The following URI1 variants were observed in gnomAD, a reference collection of about 807,000 sequenced individuals.
The protein encoded by URI1 is unconventional prefoldin RPB5 interactor 1.
A neutral mutation model predicts 60.2 loss-of-function variants in URI1; 39 were observed. The ratio of observed to expected loss-of-function variants is 0.65; its 90% CI spans 0.50 to 0.85. The LOEUF is 0.85. URI1 is among the 40% of genes least tolerant of loss of function. The pLI, the probability that URI1 is intolerant of heterozygous loss-of-function variation, is 0.00. For synonymous variants in URI1, 251 were observed against 236.8 expected (o/e 1.06, Z -0.55); for missense variants, 691 against 665.9 (o/e 1.04, Z -0.42).
chr19:29,949,043 C>T (rs1000065555), intron 1 of URI1, among the ~76,000 whole-genome samples: 5 of 145,740 alleles, frequency 3.4e-5, no homozygotes, highest in African/African-American at 7.6e-5. Flanking sequence ...GGCAGCTGGC[C>T]GGGCGGGGGC....
chr19:29,953,069 T>G (rs1032043878), intron 1 of URI1, among the ~76,000 whole-genome samples: 1 of 152,224 alleles, frequency 6.6e-6, no homozygotes, highest in Non-Finnish European at 1.5e-5. Context: ...ATTCATTGAT[T>G]GTTGATTTTG....
intron 1 of URI1, among the ~76,000 whole-genome samples, chr19:29,968,559 T>C (rs902456958): frequency 1.6e-5 from 2 of 124,146 alleles, no homozygotes; most frequent in Admixed American, 2.0e-4. Flanking sequence ...AATTTACTAA[T>C]TTTTTCTTTT....
At chr19:29,975,853 A>G (rs949022683) in intron 2 of URI1, among the ~76,000 whole-genome samples, 1 of 152,078 alleles carries the variant, frequency 6.6e-6, no homozygotes, top group Non-Finnish European at 1.5e-5. Flanking sequence ...AATTTCTCAT[A>G]AATCTTTTCA....
Position 29,942,296 on chromosome 19 carries a change from C to A in URI1, c.-252C>A. On this transcript the variant is annotated 5_prime_UTR_variant, in exon 1 of 11. Transcript: ENST00000392271. ...GGCTGGGCCCGCACCGGAGAGGCGTCTCGGTACCTGGCAGGCGGCCTGCTA... is the reference window on the plus strand; with the variant it reads ...GGCTGGGCCCGCACCGGAGAGGCGTATCGGTACCTGGCAGGCGGCCTGCTA... 2 of 985,234 alleles carry A rather than the reference C, an allele frequency of 2.0e-6. No homozygotes were observed. The highest frequency in any genetic ancestry group is 4.5e-5 in the South Asian group (1 of 22,042). 61.0% of individuals were successfully genotyped at this position (985,234 alleles called of 1,614,324 possible). A position where few individuals can be genotyped will look rare whatever the true frequency, so the allele number is the denominator to read the frequency against.
chr19:29,989,959 C>G (rs1030952119), intron 4 of URI1, among the ~76,000 whole-genome samples: 22 of 151,860 alleles, frequency 1.4e-4, no homozygotes, highest in African/African-American at 5.1e-4. Context: ...AACGCTTTAC[C>G]TAACCTTAGT....
At chr19:29,990,460 G>A (rs1426527351) in intron 4 of URI1, among the ~76,000 whole-genome samples, 2 of 152,226 alleles carry the variant, frequency 1.3e-5, no homozygotes, top group African/African-American at 4.8e-5. Context: ...ATTAAGAGCA[G>A]CACTGCTTAT....
chr19:29,944,140 CATATATATATAT>C (rs56329506), intron 1 of URI1, among the ~76,000 whole-genome samples: 449 of 37,066 alleles, frequency 0.012, 11 homozygotes, highest in Non-Finnish European at 0.018. Context: ...CCCTGTCATT[CATATATATATAT>C]ATATATATAT....
chr19:29,997,846 C>T (rs143699529), intron 4 of URI1, among the ~76,000 whole-genome samples: 1 of 152,200 alleles, frequency 6.6e-6, no homozygotes, highest in East Asian at 1.9e-4. Flanking sequence ...CTCACTGTAA[C>T]TTCCATCTCC....
chr19:29,941,984 CTT>C (rs921904232), upstream of URI1, among the ~76,000 whole-genome samples: 1 of 143,266 alleles, frequency 7.0e-6, no homozygotes, highest in Non-Finnish European at 1.5e-5. Context: ...AGAATGTAAG[CTT>C]TTTTTTTTTA....
intron 1 of URI1, among the ~76,000 whole-genome samples, chr19:29,962,698 C>T (rs1443468693): frequency 4.7e-5 from 7 of 150,468 alleles, no homozygotes; most frequent in African/African-American, 7.3e-5. Context: ...TTTTTTTAAC[C>T]GATCACACTT....
intron 1 of URI1, among the ~76,000 whole-genome samples, chr19:29,936,601 T>C (rs1042885658): frequency 2.0e-5 from 3 of 152,234 alleles, no homozygotes; most frequent in African/African-American, 4.8e-5. Context: ...TATGTTCATA[T>C]CCTTCATCAA....
chr19:29,934,031 G>A (rs1168850293), intron 1 of URI1, among the ~76,000 whole-genome samples: 2 of 147,228 alleles, frequency 1.4e-5, no homozygotes, highest in Non-Finnish European at 3.0e-5. Flanking sequence ...TGCCTCCCAG[G>A]TTCCAGTGAT....
intron 10 of URI1, chr19:30,014,231 G>A (rs1334082944): frequency 6.6e-6 from 1 of 152,108 alleles, no homozygotes; most frequent in Non-Finnish European, 1.5e-5. Flanking sequence ...AGGTGAAATT[G>A]AGTCATTTCT....
In URI1 at chr19:29,977,136, C is replaced by CT. The variant is rs35431095; in HGVS notation, c.152+5921dup. Among the ~76,000 whole-genome samples, 727 of 144,998 alleles carry CT rather than the reference C, an allele frequency of 5.0e-3. 4 individuals are homozygous for CT. Among genetic ancestry groups the CT allele is most frequent in the African/African-American group, 0.014 (559 of 39,720 alleles). ...GGTGAAGATTTGATTTTCTCTCTCT[C>CT]TTTTTTTTTTTTCCTGTTGGAGCTA... On this transcript the variant is annotated intron_variant, in intron 2 of 10. Coordinates refer to ENST00000392271, the MANE Select transcript of URI1 (RefSeq NM_003796.3).
rs112609801 is a variant in URI1 at position 29,956,656 on chromosome 19, A to T, written c.117+13992A>T. ...TTCACCCAAGAAATTTCGGATTTCA[A>T]CAAGAGACCCATTCTGGATAACGAC... On this transcript the variant is annotated intron_variant, in intron 1 of 10. Coordinates refer to ENST00000392271, the MANE Select transcript of URI1 (RefSeq NM_003796.3). 7 of 1,532,822 alleles carry T rather than the reference A, an allele frequency of 4.6e-6. No individual in the cohort carries two copies. In the African/African-American group the frequency reaches 6.8e-5, roughly 15 times the overall value. 95.0% of individuals were successfully genotyped at this position (1,532,822 alleles called of 1,614,324 possible). A position where few individuals can be genotyped will look rare whatever the true frequency, so the allele number is the denominator to read the frequency against.
At chr19:29,923,837 C>A in intron 1 of URI1, 1 of 1,344,984 alleles carries the variant, frequency 7.4e-7, no homozygotes, top group South Asian at 1.3e-5. Flanking sequence ...ATGGATTAGT[C>A]AGAGAAACAG....
chr19:29,949,595 G>A (rs1159886881), intron 1 of URI1, among the ~76,000 whole-genome samples: 1 of 151,978 alleles, frequency 6.6e-6, no homozygotes, highest in Non-Finnish European at 1.5e-5. Flanking sequence ...CCGAGATCAC[G>A]CCACTGCACT....
chr19:29,993,407 T>G (rs2055770433), intron 4 of URI1, among the ~76,000 whole-genome samples: 1 of 152,230 alleles, frequency 6.6e-6, no homozygotes. Flanking sequence ...TTAGAAGCCC[T>G]GTAATGAAAA....
chr19:29,927,730 T>C (rs918139112), intron 1 of URI1, among the ~76,000 whole-genome samples: 7 of 151,712 alleles, frequency 4.6e-5, no homozygotes, highest in Non-Finnish European at 8.8e-5. Flanking sequence ...ACGCCTGCCA[T>C]CATGCCCAGC....
Sources: gnomAD v4.1 joint callset for allele counts (sites outside exome capture counted in the v4.1 genomes callset) on GRCh38, gnomAD v4.1.1 for gene constraint, MANE v1.5 for transcripts, NCBI Gene and HGNC (gene_info 2026-07-23, HGNC 2026-07-21) for gene names.